Variants in ATP2B4 observed in about 807,000 individuals in gnomAD.
The protein encoded by ATP2B4 is plasma membrane calcium-transporting ATPase 4.
Under a neutral mutation model 110.3 loss-of-function variants are expected in ATP2B4, and 39 were observed. That is an observed-to-expected ratio of 0.35 (90% CI 0.27 to 0.46). ATP2B4 has a LOEUF of 0.46. Ranked by LOEUF, ATP2B4 falls within the 20% of genes least tolerant of loss-of-function variation. The pLI is 1.00. For synonymous variants in ATP2B4, 538 were observed against 571.7 expected (o/e 0.94, Z 0.84); for missense variants, 1,135 against 1,530.9 (o/e 0.74, Z 4.32).
chr1:203,718,012 A>G (rs1472729613), intron 15 of ATP2B4, among the ~76,000 whole-genome samples: 1 of 152,100 alleles, frequency 6.6e-6, no homozygotes, highest in East Asian at 1.9e-4. Flanking sequence ...TTGGAACTCA[A>G]AGGTGTTCCT....
At chr1:203,731,343 T>C (rs1666705247) in intron 20 of ATP2B4, among the ~76,000 whole-genome samples, 1 of 152,198 alleles carries the variant, frequency 6.6e-6, no homozygotes, top group African/African-American at 2.4e-5. Flanking sequence ...CCATCTTCCC[T>C]CCTGGGAAAA....
At position 203,638,247 on chromosome 1, in the gene ATP2B4, C is replaced by T. The variant is rs371812498; in HGVS notation, c.-465+11028C>T. Among the ~76,000 whole-genome samples the T allele has an allele frequency of 1.1e-4, 17 of 152,296 alleles. 1 individual carries two copies. The highest frequency in any genetic ancestry group is 5.2e-4 in the Admixed American group (8 of 15,304). ...TGTCTGATCCCACTCGCTGGAAGGC[C>T]TCCAGCCTTTGTCTGAGCCAGTACC... On this transcript the variant is annotated intron_variant, in intron 1 of 20. Transcript: ENST00000357681.
chr1:203,680,813 A>C (rs562572988), intron 1 of ATP2B4, among the ~76,000 whole-genome samples: 6 of 152,312 alleles, frequency 3.9e-5, no homozygotes, highest in African/African-American at 1.4e-4. Flanking sequence ...TGAGAAGGCT[A>C]AGTAACATCC....
chr1:203,711,145 G>A, intron 12 of ATP2B4, 37 bp downstream of exon 12: 1 of 1,592,132 alleles, frequency 6.3e-7, no homozygotes, highest in South Asian at 1.1e-5. Context: ...GTCTCAGGAA[G>A]TGGGGTACTA....
chr1:203,683,599 A>T (rs1665082365), intron 2 of ATP2B4, among the ~76,000 whole-genome samples: 1 of 151,366 alleles, frequency 6.6e-6, no homozygotes, highest in Non-Finnish European at 1.5e-5. Flanking sequence ...ATGTTTAGAA[A>T]GTGTGCTATT....
intron 1 of ATP2B4, among the ~76,000 whole-genome samples, chr1:203,682,337 C>A (rs1455267798): frequency 2.0e-5 from 3 of 152,142 alleles, no homozygotes; most frequent in African/African-American, 4.8e-5. Context: ...TTTTTCTGAC[C>A]TCTTCTCATC....
intron 20 of ATP2B4, chr1:203,733,092 C>T (rs1666778697): frequency 2.6e-6 from 2 of 765,248 alleles, no homozygotes; most frequent in Non-Finnish European, 3.9e-6. Context: ...CTCTCTTGCT[C>T]TCTCCTGTCC....
chr1:203,662,204 T>G (rs1434146553), intron 1 of ATP2B4, among the ~76,000 whole-genome samples: 3 of 152,126 alleles, frequency 2.0e-5, no homozygotes, highest in Admixed American at 1.3e-4. Context: ...CTTTTTGTAT[T>G]TTTAGTAGAG....
intron 1 of ATP2B4, among the ~76,000 whole-genome samples, chr1:203,679,680 C>T (rs1664939853): frequency 1.3e-5 from 2 of 152,066 alleles, no homozygotes; most frequent in African/African-American, 2.4e-5. Context: ...GTCAAGAGAT[C>T]GAGACCATCC....
chr1:203,736,310 C>CA lies in ATP2B4; in HGVS notation c.3310-3227dup, dbSNP rs973304637. On this transcript the variant is annotated intron_variant, in intron 20 of 20. Coordinates refer to ENST00000357681, the MANE Select transcript of ATP2B4 (RefSeq NM_001684.5). ...TGAAACCTCATTTCTACTAAAAATACAAAAAAAAATAGCTGAGTGCGGTGG... is the reference window on the plus strand; with the variant it reads ...TGAAACCTCATTTCTACTAAAAATACAAAAAAAAAATAGCTGAGTGCGGTGG... Among the ~76,000 whole-genome samples the CA allele has an allele frequency of 3.3e-4, 50 of 150,844 alleles. 1 individual carries two copies. Among genetic ancestry groups the CA allele is most frequent in the Middle Eastern group, 6.8e-3 (2 of 292 alleles).
At chr1:203,726,090 T>C (rs1343930017) in intron 19 of ATP2B4, among the ~76,000 whole-genome samples, 3 of 131,978 alleles carry the variant, frequency 2.3e-5, no homozygotes, top group Non-Finnish European at 4.9e-5. Flanking sequence ...AAAAAAAAAA[T>C]TGGCCGGGCA....
chr1:203,683,383 A>C lies in ATP2B4; in HGVS notation c.178A>C (p.Thr60Pro). Residue 60 changes from threonine (T) to proline (P), a missense_variant, in exon 2 of 21, where the codon ACC becomes CCC. By Grantham distance (38) the Thr-to-Pro change is conservative. Around this residue, in one of 9 missense-constraint regions of ATP2B4, gnomAD observed 122 missense variants for 125.2 expected, o/e 0.97. Coordinates refer to ENST00000357681, the MANE Select transcript of ATP2B4 (RefSeq NM_001684.5). The part of the protein sequence containing the change: ...GVQNLCSRLK[T>P]SPVEGLSGNP... ...ACAGAATCTCTGCAGTAGACTGAAA[A>C]CCTCCCCTGTGGAAGGTAAAGGCCA... The C allele has an allele frequency of 6.2e-7, 1 of 1,602,596 alleles. No homozygotes were observed. The highest frequency in any genetic ancestry group is 8.5e-7 in the Non-Finnish European group (1 of 1,173,492).
At chr1:203,678,697 C>T (rs1240729811) in intron 1 of ATP2B4, among the ~76,000 whole-genome samples, 1 of 152,214 alleles carries the variant, frequency 6.6e-6, no homozygotes, top group Non-Finnish European at 1.5e-5. Flanking sequence ...AGCCACGGCA[C>T]CTGGCAGATG....
chr1:203,733,542 AAT>A (rs1187715797), intron 20 of ATP2B4: 1 of 835,828 alleles, frequency 1.2e-6, no homozygotes, highest in Non-Finnish European at 1.8e-6. Flanking sequence ...AAAAGACAAA[AAT>A]CCTACTCTAA....
At position 203,724,882 on chromosome 1, in the gene ATP2B4, T is replaced by G. The variant is rs866486360; in HGVS notation, c.3132+894T>G. ...CCAGCTCTCTGTTTTTTTTTTTTTT[T>G]TTTTTTTTTTCTGAGACAGAGTCTT... On this transcript the variant is annotated intron_variant, in intron 19 of 20. Coordinates refer to ENST00000357681, the MANE Select transcript of ATP2B4 (RefSeq NM_001684.5). 6.3e-3 allele frequency among the ~76,000 whole-genome samples: 920 copies of G among 144,950 alleles called. 14 individuals are homozygous for G. The highest frequency in any genetic ancestry group is 0.034 in the Middle Eastern group (10 of 290).
In ATP2B4 at chr1:203,741,814, TA is replaced by T. The variant is rs763286786; in HGVS notation, c.*1961del. The T allele has an allele frequency of 4.6e-5, 7 of 152,726 alleles. No individual in the cohort carries two copies. Among genetic ancestry groups the T allele is most frequent in the Non-Finnish European group, 1.0e-4 (7 of 68,016 alleles). The allele number at this position is 152,726 out of a possible 1,614,324, so 9.5% of individuals were successfully genotyped here. Reference sequence around the variant, plus strand: ...TTCTTTTTTGTGTCTTAAATACTCATAGGGGAAAAAAACAGCTCACCCAAGG... The same window carrying T: ...TTCTTTTTTGTGTCTTAAATACTCATGGGGAAAAAAACAGCTCACCCAAGG... On this transcript the variant is annotated 3_prime_UTR_variant, in exon 21 of 21. Coordinates refer to ENST00000357681, the MANE Select transcript of ATP2B4 (RefSeq NM_001684.5).
intron 10 of ATP2B4, among the ~76,000 whole-genome samples, chr1:203,708,466 C>T (rs1199810637): frequency 2.0e-5 from 3 of 152,138 alleles, no homozygotes; most frequent in Non-Finnish European, 4.4e-5. Flanking sequence ...CCACACAAGG[C>T]GAGACACCAG....
chr1:203,738,185 A>G (rs1666917241), intron 20 of ATP2B4, among the ~76,000 whole-genome samples: 1 of 151,884 alleles, frequency 6.6e-6, no homozygotes, highest in African/African-American at 2.4e-5. Context: ...TTTTTTGGAC[A>G]AGACTAGGAT....
chr1:203,686,881 G>A (rs932958338), intron 2 of ATP2B4, among the ~76,000 whole-genome samples: 1 of 151,110 alleles, frequency 6.6e-6, no homozygotes. Flanking sequence ...TTTTAGTAGA[G>A]ACGGGGTTTC....
Sources: gnomAD v4.1 joint callset for allele counts (sites outside exome capture counted in the v4.1 genomes callset) on GRCh38, gnomAD v4.1.1 for gene constraint, gnomAD v4.1.1 regional missense constraint, MANE v1.5 for transcripts, NCBI Gene and HGNC (gene_info 2026-07-23, HGNC 2026-07-21) for gene names.